EYS: variants seen among roughly 807,000 people sequenced by gnomAD.
EYS encodes the protein EGF-like photoreceptor maintenance factor, also known as protein eyes shut homolog.
A neutral mutation model predicts 282.1 loss-of-function variants in EYS; 250 were observed. The observed-to-expected ratio is 0.89, with a 90% CI of 0.80 to 0.98. The LOEUF is 0.98. EYS is among the 50% of genes least tolerant of loss of function. EYS has a pLI of 0.00. For synonymous variants in EYS, 1,355 were observed against 1,282.9 expected, an observed-to-expected ratio of 1.06 and a Z score of -1.20; for missense variants, 4,016 against 3,709.0, an observed-to-expected ratio of 1.08 and a Z score of -2.15.
chr6:65,108,668 C>A (rs1775116614), intron 12 of EYS, among the ~76,000 whole-genome samples: 1 of 152,090 alleles, frequency 6.6e-6, no homozygotes, highest in African/African-American at 2.4e-5. Context: ...TTATGTTTCT[C>A]AGCATGATTC....
chr6:65,493,948 TTCC>T (rs1163767068), intron 4 of EYS, among the ~76,000 whole-genome samples: 3 of 152,200 alleles, frequency 2.0e-5, no homozygotes, highest in African/African-American at 7.2e-5. Context: ...GTTCCCTAAC[TTCC>T]TCTACTGAGA....
At chr6:65,289,957 G>T (rs1205292258) in intron 12 of EYS, among the ~76,000 whole-genome samples, 1 of 151,010 alleles carries the variant, frequency 6.6e-6, no homozygotes, top group Non-Finnish European at 1.5e-5. Context: ...AAAAAGTATT[G>T]CCAAGTAAAT....
intron 26 of EYS, among the ~76,000 whole-genome samples, chr6:64,471,515 T>C (rs1776120314): frequency 6.6e-6 from 1 of 151,796 alleles, no homozygotes; most frequent in Non-Finnish European, 1.5e-5. Flanking sequence ...TACCTAGGAA[T>C]AAATTTAACA....
chr6:64,079,017 C>T (rs187036528), intron 32 of EYS, among the ~76,000 whole-genome samples: 4 of 152,136 alleles, frequency 2.6e-5, no homozygotes, highest in Non-Finnish European at 5.9e-5. Context: ...AAGAAAATGC[C>T]TTCCAATTCT....
intron 30 of EYS, among the ~76,000 whole-genome samples, chr6:64,274,288 C>T (rs983575105): frequency 2.0e-5 from 3 of 152,100 alleles, no homozygotes; most frequent in African/African-American, 4.8e-5. Flanking sequence ...CATTCTTCTG[C>T]ATCAGCTTCC....
chr6:64,328,447 A>G (rs1770510434), intron 29 of EYS, among the ~76,000 whole-genome samples: 1 of 152,172 alleles, frequency 6.6e-6, no homozygotes, highest in African/African-American at 2.4e-5. Flanking sequence ...AAGGCCACCA[A>G]TATTGGAAAA....
chr6:64,327,810 A>G (rs1770487392), intron 29 of EYS, among the ~76,000 whole-genome samples: 1 of 152,150 alleles, frequency 6.6e-6, no homozygotes, highest in Non-Finnish European at 1.5e-5. Context: ...CAATTTATCC[A>G]TCCCTGGCAA....
intron 19 of EYS, among the ~76,000 whole-genome samples, chr6:64,838,299 G>T (rs1258854657): frequency 1.3e-5 from 2 of 151,812 alleles, no homozygotes; most frequent in Non-Finnish European, 2.9e-5. Flanking sequence ...TGACTTATCA[G>T]ATCAAGAAAA....
rs117171121 is a variant in EYS at position 63,868,611 on chromosome 6, C to T, written c.7056-4253G>A. On this transcript the variant is annotated intron_variant, in intron 35 of 42. Transcript: ENST00000503581. ...CAGATAGTTCTGAAAAATAAAATTG[C>T]TACTGGCGGAAATAACCCATCTCTA... 5.9e-5 allele frequency among the ~76,000 whole-genome samples: 9 copies of T among 152,218 alleles called. 1 individual carries two copies. In the East Asian group the frequency reaches 1.7e-3, roughly 29 times the overall value.
At chr6:64,259,023 G>C (rs1767493932) in intron 30 of EYS, among the ~76,000 whole-genome samples, 1 of 152,022 alleles carries the variant, frequency 6.6e-6, no homozygotes, top group Non-Finnish European at 1.5e-5. Flanking sequence ...GAGAACAGAG[G>C]CCCCATGTTT....
In EYS at chr6:65,202,068, C is replaced by T. The variant is rs1028825730; in HGVS notation, c.2023+93795G>A. 4.0e-5 allele frequency among the ~76,000 whole-genome samples: 6 copies of T among 151,878 alleles called. 1 individual carries two copies. In the South Asian group the frequency reaches 1.0e-3, roughly 26 times the overall value. On this transcript the variant is annotated intron_variant, in intron 12 of 42. Transcript: ENST00000503581. ...CAGAGGTTACAGTGAACCAAGATTG[C>T]ACCAGTGCACTCCAGCCTGGGTGAC...
chr6:65,627,585 C>A (rs998033378), intron 2 of EYS, among the ~76,000 whole-genome samples: 1 of 152,088 alleles, frequency 6.6e-6, no homozygotes, highest in Admixed American at 6.6e-5. Flanking sequence ...GCTGGAGTTC[C>A]GGGTCAGCTG....
Position 64,626,164 on chromosome 6 carries a change from G to A in EYS, c.3525C>T (p.Asp1175=), listed in dbSNP as rs549215568. The change falls in exon 23 of 43, where the codon GAC becomes GAT. Residue 1175 remains aspartate, a synonymous_variant. Coordinates refer to ENST00000503581, the MANE Select transcript of EYS (RefSeq NM_001142800.2). ...CATATCCATTGATGTGATCTTCACAGTCTGCACCATGTAGACATGGTGATG... is the reference window on the plus strand; with the variant it reads ...CATATCCATTGATGTGATCTTCACAATCTGCACCATGTAGACATGGTGATG... ...CSSSPCLHGA[D]CEDHINGYVC... 3.9e-6 allele frequency: 6 copies of A among 1,545,864 alleles called. No individual in the cohort carries two copies. The African/African-American group carries it at 8.2e-5, about 21-fold the overall frequency.
At chr6:64,402,219 G>T (rs1326446342) in intron 28 of EYS, among the ~76,000 whole-genome samples, 2 of 152,104 alleles carry the variant, frequency 1.3e-5, no homozygotes, top group Non-Finnish European at 2.9e-5. Flanking sequence ...CCATTAAAGT[G>T]TGCCACTCAT....
intron 22 of EYS, among the ~76,000 whole-genome samples, chr6:64,709,431 T>C (rs1355564531): frequency 6.6e-6 from 1 of 151,406 alleles, no homozygotes; most frequent in Non-Finnish European, 1.5e-5. Context: ...TATATAAATA[T>C]TTTTTCTCTC....
intron 26 of EYS, among the ~76,000 whole-genome samples, chr6:64,456,982 G>T (rs1715166023): frequency 6.6e-5 from 10 of 151,838 alleles, no homozygotes; most frequent in Admixed American, 6.6e-4. Context: ...ATGTTATTAT[G>T]ACCTTTTTTG....
intron 19 of EYS, among the ~76,000 whole-genome samples, chr6:64,883,259 C>T (rs147838088): frequency 1.8e-4 from 28 of 151,402 alleles, no homozygotes; most frequent in East Asian, 5.8e-4. Context: ...TATAGTCATA[C>T]GTTTGCATGT....
chr6:64,135,467 A>G (rs1774130045), intron 31 of EYS, among the ~76,000 whole-genome samples: 1 of 152,084 alleles, frequency 6.6e-6, no homozygotes, highest in African/African-American at 2.4e-5. Context: ...AGACACTATA[A>G]CACTATGGGG....
At chr6:64,886,897 T>A in intron 18 of EYS, 55 bp from the exon 19 acceptor site, 19 of 985,360 alleles carry the variant, frequency 1.9e-5, no homozygotes, top group Non-Finnish European at 2.5e-5. Context: ...AATCATTTAT[T>A]ATATATGATT....
Sources: gnomAD v4.1 joint callset for allele counts (sites outside exome capture counted in the v4.1 genomes callset) on GRCh38, gnomAD v4.1.1 for gene constraint, MANE v1.5 for transcripts, NCBI Gene and HGNC (gene_info 2026-07-23, HGNC 2026-07-21) for gene names.